SLC22A9: variants seen among roughly 807,000 people sequenced by gnomAD.
SLC22A9 encodes the protein organic anion transporter 7.
Under a neutral mutation model 50.1 loss-of-function variants are expected in SLC22A9, and 64 were observed. The ratio of observed to expected loss-of-function variants is 1.28; its 90% CI spans 1.04 to 1.57. The LOEUF is 1.57. Ranked by LOEUF, SLC22A9 falls within the 40% of genes most tolerant of loss-of-function variation. SLC22A9 has a pLI of 0.00. For missense variants in SLC22A9, 757 were observed against 676.1 expected (o/e 1.12, Z -1.33); for synonymous variants, 261 against 242.5 (o/e 1.08, Z -0.71).
intron 4 of SLC22A9, among the ~76,000 whole-genome samples, chr11:63,374,579 A>G (rs1401198174): frequency 6.6e-6 from 1 of 152,166 alleles, no homozygotes; most frequent in Non-Finnish European, 1.5e-5. Context: ...GGGGAATAGC[A>G]ATGAATCATT....
intron 2 of SLC22A9, among the ~76,000 whole-genome samples, chr11:63,373,300 A>G (rs1253407240): frequency 6.6e-6 from 1 of 152,068 alleles, no homozygotes; most frequent in Non-Finnish European, 1.5e-5. Context: ...TACTATGCTA[A>G]AGTACATGGG....
chr11:63,391,613 T>C (rs548789774), intron 6 of SLC22A9, among the ~76,000 whole-genome samples: 4 of 152,182 alleles, frequency 2.6e-5, no homozygotes, highest in East Asian at 3.9e-4. Flanking sequence ...TTTTCTCTGA[T>C]GAGTGTATCT....
At chr11:63,406,104 T>C (rs2015031098) in intron 6 of SLC22A9, among the ~76,000 whole-genome samples, 1 of 152,216 alleles carries the variant, frequency 6.6e-6, no homozygotes, top group Non-Finnish European at 1.5e-5. Context: ...TGGAACTGTC[T>C]TCTTTTCCCA....
At chr11:63,401,557 G>A (rs1003026967) in intron 6 of SLC22A9, among the ~76,000 whole-genome samples, 9 of 151,910 alleles carry the variant, frequency 5.9e-5, no homozygotes, top group Non-Finnish European at 1.3e-4. Flanking sequence ...ATTACCCAAG[G>A]CAATCTACAG....
chr11:63,371,079 A>T, intron 1 of SLC22A9, 56 bp from the exon 2 acceptor site: 1 of 1,320,154 alleles, frequency 7.6e-7, no homozygotes, highest in Non-Finnish European at 1.1e-6. Context: ...AGAAGTTTTG[A>T]TCAAGTTACA....
chr11:63,371,909 A>G (rs2014366668), intron 2 of SLC22A9, among the ~76,000 whole-genome samples: 1 of 152,142 alleles, frequency 6.6e-6, no homozygotes, highest in Non-Finnish European at 1.5e-5. Context: ...GTCTCCCCTG[A>G]TGGCGATGAG....
rs1171463090 is a variant in SLC22A9 at position 63,370,389 on chromosome 11, A to G, written c.333A>G (p.Ala111=). ...GGACCTTCCCCAACACAAGTGACGC[A>G]GACATGGAGCCCTGTGTGGATGGCT... The part of the protein sequence containing the change: ...LNGTFPNTSD[A]DMEPCVDGWV... The change falls in exon 1 of 10, where the codon GCA becomes GCG. Residue 111 remains alanine (A), a synonymous_variant. Transcript: ENST00000279178. 1 of 1,613,634 alleles carries G rather than the reference A, an allele frequency of 6.2e-7. No individual in the cohort carries two copies. Among genetic ancestry groups the G allele is most frequent in the Non-Finnish European group, 8.5e-7 (1 of 1,179,672 alleles).
In SLC22A9 at chr11:63,391,260, AC is replaced by A. The variant is rs562786960; in HGVS notation, c.1073+8986del. Among the ~76,000 whole-genome samples the A allele has an allele frequency of 3.7e-4, 56 of 152,214 alleles. No homozygotes were observed. The South Asian group carries it at 0.011, about 31-fold the overall frequency. On this transcript the variant is annotated intron_variant, in intron 6 of 9. Coordinates refer to ENST00000279178, the MANE Select transcript of SLC22A9 (RefSeq NM_080866.3). Reference sequence around the variant, plus strand: ...AACATATGGTCTATCCTTAAGAAATACCCATGAGCTGAGGAGAAAAGTGCAT... The same window carrying A: ...AACATATGGTCTATCCTTAAGAAATACCATGAGCTGAGGAGAAAAGTGCAT...
chr11:63,387,789 GAAT>G, intron 6 of SLC22A9, among the ~76,000 whole-genome samples: 1 of 152,160 alleles, frequency 6.6e-6, no homozygotes, highest in East Asian at 1.9e-4. Flanking sequence ...CATGAACATG[GAAT>G]ATCTTTCCAT....
intron 6 of SLC22A9, among the ~76,000 whole-genome samples, chr11:63,393,129 T>A (rs947795426): frequency 1.3e-5 from 2 of 152,202 alleles, no homozygotes; most frequent in Admixed American, 1.3e-4. Context: ...ACATGGGATG[T>A]GTTTCCATTT....
At position 63,409,795 on chromosome 11, in the gene SLC22A9, G is replaced by C. The variant is rs148207184; in HGVS notation, c.1602-7G>C. On this transcript the variant is annotated splice_region_variant and splice_polypyrimidine_tract_variant and intron_variant, in intron 9 of 9. Coordinates refer to ENST00000279178, the MANE Select transcript of SLC22A9 (RefSeq NM_080866.3). The stretch of plus-strand genomic sequence containing the variant: ...ATTTTTTGTTGGTTTCTTTGTATTT[G>C]TTCTAGGAGAAAAGACCCCAGAGAA... The C allele has an allele frequency of 3.7e-5, 59 of 1,613,116 alleles. No homozygotes were observed. In the African/African-American group the frequency reaches 6.9e-4, roughly 19 times the overall value.
At chr11:63,394,682 T>G (rs2014820749) in intron 6 of SLC22A9, among the ~76,000 whole-genome samples, 1 of 152,182 alleles carries the variant, frequency 6.6e-6, no homozygotes, top group Non-Finnish European at 1.5e-5. Context: ...TAACTTTAGA[T>G]AACCTGACGA....
chr11:63,389,267 A>C (rs2014720647), intron 6 of SLC22A9, among the ~76,000 whole-genome samples: 1 of 151,848 alleles, frequency 6.6e-6, no homozygotes, highest in Non-Finnish European at 1.5e-5. Context: ...TGCACCTATC[A>C]ACCCGTCATC....
chr11:63,398,646 C>T (rs556379643), intron 6 of SLC22A9, among the ~76,000 whole-genome samples: 1 of 152,190 alleles, frequency 6.6e-6, no homozygotes, highest in African/African-American at 2.4e-5. Context: ...ACTGTGCTCT[C>T]TATCCCCCAA....
At chr11:63,398,543 A>G (rs1004026244) in intron 6 of SLC22A9, among the ~76,000 whole-genome samples, 4 of 151,872 alleles carry the variant, frequency 2.6e-5, no homozygotes. Context: ...GCTGGTCTAA[A>G]TGCTCCCTCC....
intron 5 of SLC22A9, among the ~76,000 whole-genome samples, chr11:63,377,402 C>G (rs1163113230): frequency 6.6e-6 from 1 of 152,118 alleles, no homozygotes; most frequent in Admixed American, 6.6e-5. Flanking sequence ...TGAAGAAGAT[C>G]TCCCAAAATC....
intron 2 of SLC22A9, among the ~76,000 whole-genome samples, chr11:63,371,866 C>T (rs2014365779): frequency 6.6e-6 from 1 of 152,168 alleles, no homozygotes; most frequent in African/African-American, 2.4e-5. Flanking sequence ...TGTCTCCTGA[C>T]ATGGCAGGGA....
chr11:63,408,050 C>T, intron 7 of SLC22A9, 62 bp from the exon 8 acceptor site: 3 of 1,367,852 alleles, frequency 2.2e-6, no homozygotes, highest in Non-Finnish European at 3.1e-6. Context: ...TCACTTCTAC[C>T]TTGGGGATGC....
At chr11:63,392,812 G>A (rs1185719397) in intron 6 of SLC22A9, among the ~76,000 whole-genome samples, 2 of 152,080 alleles carry the variant, frequency 1.3e-5, no homozygotes, top group Non-Finnish European at 2.9e-5. Context: ...AAAACCAAAT[G>A]TTGATATTCT....
Sources: allele counts gnomAD v4.1 joint callset (sites outside exome capture counted in the v4.1 genomes callset), GRCh38; gene constraint gnomAD v4.1.1; transcripts MANE v1.5; gene names NCBI Gene and HGNC (gene_info 2026-07-23, HGNC 2026-07-21).